THSD7A: variants seen among roughly 807,000 people sequenced by gnomAD.
The protein encoded by THSD7A is thrombospondin type 1 domain containing 7A, also known as thrombospondin type-1 domain-containing protein 7A.
THSD7A carries 96 observed loss-of-function variants against 231.3 expected under a neutral mutation model. The ratio of observed to expected loss-of-function variants is 0.41; its 90% CI spans 0.35 to 0.49. The LOEUF (loss-of-function observed/expected upper bound fraction) is 0.49. THSD7A is among the 20% of genes least tolerant of loss of function. The pLI, the probability that THSD7A is intolerant of heterozygous loss-of-function variation, is 0.05. For missense variants in THSD7A, 2,290 were observed against 2,070.2 expected, an observed-to-expected ratio of 1.11 and a Z score of -2.06; for synonymous variants, 940 against 743.3, an observed-to-expected ratio of 1.26 and a Z score of -4.30.
chr7:11,733,483 T>TC (rs1318024393), intron 1 of THSD7A, among the ~76,000 whole-genome samples: 4 of 151,920 alleles, frequency 2.6e-5, no homozygotes, highest in South Asian at 4.1e-4. Flanking sequence ...TTTGGATAAC[T>TC]TTATCTGATC....
intron 2 of THSD7A, among the ~76,000 whole-genome samples, chr7:11,622,618 C>T (rs866886391): frequency 4.6e-5 from 7 of 152,138 alleles, no homozygotes; most frequent in East Asian, 1.9e-4. Flanking sequence ...TCTAAGCTCC[C>T]GGCAGATAGG....
intron 2 of THSD7A, among the ~76,000 whole-genome samples, chr7:11,612,619 C>A (rs530760041): frequency 6.6e-6 from 1 of 152,052 alleles, no homozygotes; most frequent in African/African-American, 2.4e-5. Context: ...GTATCAGAAG[C>A]GATGTTATTG....
chr7:11,603,185 A>G (rs1361488039), intron 2 of THSD7A, among the ~76,000 whole-genome samples: 3 of 152,042 alleles, frequency 2.0e-5, no homozygotes. Flanking sequence ...TTACAAGAAA[A>G]AAACAAACAA....
In THSD7A at chr7:11,382,626, A is replaced by G. The variant is rs1697290369; in HGVS notation, c.4412-10T>C. 6.2e-7 allele frequency: 1 copy of G among 1,601,136 alleles called. No homozygotes were observed. The highest frequency in any genetic ancestry group is 1.3e-5 in the African/African-American group (1 of 74,612). On this transcript the variant is annotated splice_polypyrimidine_tract_variant and intron_variant, in intron 23 of 27. Transcript: ENST00000423059. ...TCATAGCACTGTCCATCTGCAGGGA[A>G]ATAATAAACATTAGCAGAAGCATTC...
At chr7:11,792,299 A>C (rs1783977303) in intron 1 of THSD7A, among the ~76,000 whole-genome samples, 1 of 152,018 alleles carries the variant, frequency 6.6e-6, no homozygotes, top group Non-Finnish European at 1.5e-5. Flanking sequence ...ACAGTCAGCA[A>C]AGTGATCTGT....
At chr7:11,404,384 T>G (rs1038301248) in intron 22 of THSD7A, among the ~76,000 whole-genome samples, 1 of 152,216 alleles carries the variant, frequency 6.6e-6, no homozygotes, top group Admixed American at 6.5e-5. Context: ...GGATGCCCGT[T>G]CTGCTCAATG....
intron 2 of THSD7A, among the ~76,000 whole-genome samples, chr7:11,603,294 C>T (rs1331180393): frequency 3.3e-5 from 5 of 150,126 alleles, no homozygotes; most frequent in East Asian, 2.0e-4. Context: ...TCATCACTGG[C>T]CATCAGAGAA....
intron 1 of THSD7A, among the ~76,000 whole-genome samples, chr7:11,744,509 G>A (rs1782216874): frequency 6.6e-6 from 1 of 151,586 alleles, no homozygotes; most frequent in Admixed American, 6.6e-5. Context: ...TGTTACATAT[G>A]TATACATGTG....
chr7:11,770,555 T>G (rs1274389706), intron 1 of THSD7A, among the ~76,000 whole-genome samples: 1 of 152,154 alleles, frequency 6.6e-6, no homozygotes, highest in Non-Finnish European at 1.5e-5. Context: ...AAATGATTGT[T>G]TCAGTCTAAC....
At position 11,541,525 on chromosome 7, in the gene THSD7A, G is replaced by C. The variant is rs778533552; in HGVS notation, c.1716C>G (p.Ala572=). The part of the protein sequence containing the change: ...LLEAIPCEEP[A]CYDWKAVRLG... ...GTCTCACTGCTTTCCAGTCATAACA[G>C]GCAGGCTCTTCACAGGGAATGGCTT... Residue 572 remains alanine, a synonymous_variant, in exon 6 of 28, where the codon GCC becomes GCG. Coordinates refer to ENST00000423059, the MANE Select transcript of THSD7A (RefSeq NM_015204.3). The C allele has an allele frequency of 3.7e-6, 6 of 1,613,926 alleles. No homozygotes were observed. The Admixed American group carries it at 1.0e-4, about 27-fold the overall frequency.
rs531835443 is a variant in THSD7A at position 11,633,549 on chromosome 7, A to G, written c.1022+2581T>C. 3.9e-4 allele frequency among the ~76,000 whole-genome samples: 59 copies of G among 152,258 alleles called. 1 individual carries two copies. In the South Asian group the frequency reaches 4.8e-3, roughly 12 times the overall value. On this transcript the variant is annotated intron_variant, in intron 2 of 27. Coordinates refer to ENST00000423059, the MANE Select transcript of THSD7A (RefSeq NM_015204.3). ...CAGAAAGTTCAGGCTACTCTTAGAG[A>G]TTCTGAGTGTTCATGAAAGCTGTAA...
intron 1 of THSD7A, among the ~76,000 whole-genome samples, chr7:11,810,331 T>G (rs1190422387): frequency 6.6e-6 from 1 of 152,170 alleles, no homozygotes; most frequent in Non-Finnish European, 1.5e-5. Flanking sequence ...TGGAGGCCAG[T>G]ACAAATGTAA....
At chr7:11,639,433 G>A (rs1479053698) in intron 1 of THSD7A, among the ~76,000 whole-genome samples, 4 of 152,096 alleles carry the variant, frequency 2.6e-5, no homozygotes, top group Non-Finnish European at 5.9e-5. Context: ...ACTTTGGGAG[G>A]CCGAGGCGGG....
At chr7:11,731,325 G>A (rs1220210864) in intron 1 of THSD7A, among the ~76,000 whole-genome samples, 1 of 151,454 alleles carries the variant, frequency 6.6e-6, no homozygotes, top group Non-Finnish European at 1.5e-5. Context: ...TGATTATTGT[G>A]CATTCCCAAA....
chr7:11,734,362 G>A lies in THSD7A; in HGVS notation c.190+97395C>T, dbSNP rs528559732. ...CCTTAAAAATAAAGTGCAAATTACT[G>A]GTACAAAATTAAATATGTCCATAAC... On this transcript the variant is annotated intron_variant, in intron 1 of 27. Coordinates refer to ENST00000423059, the MANE Select transcript of THSD7A (RefSeq NM_015204.3). 5.3e-5 allele frequency among the ~76,000 whole-genome samples: 8 copies of A among 151,710 alleles called. No individual in the cohort carries two copies. In the South Asian group the frequency reaches 1.7e-3, roughly 32 times the overall value.
At chr7:11,489,766 A>G (rs1423111008) in intron 6 of THSD7A, among the ~76,000 whole-genome samples, 1 of 152,002 alleles carries the variant, frequency 6.6e-6, no homozygotes, top group Non-Finnish European at 1.5e-5. Flanking sequence ...GTTGAGTTCA[A>G]TCTTCTCCTG....
At chr7:11,786,145 T>C in intron 1 of THSD7A, among the ~76,000 whole-genome samples, 1 of 148,656 alleles carries the variant, frequency 6.7e-6, no homozygotes, top group South Asian at 2.1e-4. Context: ...CTCTAATAGT[T>C]TGGTTAATTC....
chr7:11,543,558 A>G (rs946639806), intron 4 of THSD7A, among the ~76,000 whole-genome samples: 13 of 152,276 alleles, frequency 8.5e-5, no homozygotes, highest in African/African-American at 2.9e-4. Context: ...CCTGGTGGAG[A>G]ACTCTCCCAT....
chr7:11,651,857 T>C (rs547246481), intron 1 of THSD7A, among the ~76,000 whole-genome samples: 6 of 152,108 alleles, frequency 3.9e-5, no homozygotes, highest in African/African-American at 9.6e-5. Flanking sequence ...AAATAATATA[T>C]TCTAAGTTCA....
Sources: gnomAD v4.1 joint callset for allele counts (sites outside exome capture counted in the v4.1 genomes callset) on GRCh38, gnomAD v4.1.1 for gene constraint, MANE v1.5 for transcripts, NCBI Gene and HGNC (gene_info 2026-07-23, HGNC 2026-07-21) for gene names.